SLC35F4: variants seen among roughly 807,000 people sequenced by gnomAD.
SLC35F4 encodes the protein solute carrier family 35 member F4.
Under a neutral mutation model 44.2 loss-of-function variants are expected in SLC35F4, and 24 were observed. The observed-to-expected ratio is 0.54, with a 90% CI of 0.39 to 0.76. The LOEUF is 0.76. SLC35F4 is among the 30% of genes least tolerant of loss of function. SLC35F4 has a pLI of 0.00. For synonymous variants in SLC35F4, 238 were observed against 223.6 expected, an observed-to-expected ratio of 1.06 and a Z score of -0.57; for missense variants, 562 against 586.1, an observed-to-expected ratio of 0.96 and a Z score of 0.42.
chr14:57,728,611 A>C (rs1184568629), intron 1 of SLC35F4, among the ~76,000 whole-genome samples: 1 of 150,478 alleles, frequency 6.6e-6, no homozygotes, highest in African/African-American at 2.4e-5. Context: ...CACTACGCCC[A>C]GTTAATTTTT....
intron 1 of SLC35F4, among the ~76,000 whole-genome samples, chr14:57,632,118 A>G (rs567858317): frequency 7.4e-4 from 112 of 152,062 alleles, no homozygotes; most frequent in Non-Finnish European, 1.4e-3. Flanking sequence ...ATGTTCTGCT[A>G]TGCAGTCATT....
At chr14:57,580,195 G>C (rs530889551) in intron 4 of SLC35F4, among the ~76,000 whole-genome samples, 109 of 152,266 alleles carry the variant, frequency 7.2e-4, no homozygotes, top group Non-Finnish European at 1.4e-3. Context: ...GATACAATCA[G>C]AATTGTCTAA....
chr14:57,704,610 G>A (rs930321490), intron 1 of SLC35F4, among the ~76,000 whole-genome samples: 1 of 152,230 alleles, frequency 6.6e-6, no homozygotes, highest in East Asian at 1.9e-4. Context: ...CCTGTTGCGG[G>A]AGACAAGGAA....
intron 3 of SLC35F4, among the ~76,000 whole-genome samples, chr14:57,584,504 C>G (rs971928231): frequency 2.0e-5 from 3 of 152,150 alleles, no homozygotes; most frequent in African/African-American, 7.2e-5. Context: ...GATCGAGAAT[C>G]TAAGAATTGT....
intron 1 of SLC35F4, among the ~76,000 whole-genome samples, chr14:57,861,676 GTCT>G (rs1809787241): frequency 1.3e-5 from 2 of 152,026 alleles, no homozygotes; most frequent in Admixed American, 6.6e-5. Context: ...AATTCAATCG[GTCT>G]TCTTTTTACT....
intron 1 of SLC35F4, among the ~76,000 whole-genome samples, chr14:57,798,008 C>T (rs1239649038): frequency 6.7e-6 from 1 of 149,798 alleles, no homozygotes; most frequent in African/African-American, 2.5e-5. Context: ...GGTCGTCACT[C>T]ATCAGTCTGA....
At chr14:57,580,748 C>A (rs958965597) in intron 4 of SLC35F4, among the ~76,000 whole-genome samples, 9 of 151,862 alleles carry the variant, frequency 5.9e-5, no homozygotes, top group Admixed American at 2.0e-4. Flanking sequence ...TGTGCCATTA[C>A]CAGTGACTTT....
intron 1 of SLC35F4, among the ~76,000 whole-genome samples, chr14:57,849,804 A>C (rs1886395639): frequency 6.6e-6 from 1 of 152,160 alleles, no homozygotes; most frequent in South Asian, 2.1e-4. Flanking sequence ...TCAAATTCAT[A>C]CTGCTTAAGC....
chr14:57,950,873 C>T (rs952472404), intron 1 of SLC35F4, among the ~76,000 whole-genome samples: 1 of 151,992 alleles, frequency 6.6e-6, no homozygotes, highest in Non-Finnish European at 1.5e-5. Context: ...CGCCATCTTG[C>T]CAAGGCTGGT....
At chr14:57,571,006 G>T (rs1391859776) in intron 5 of SLC35F4, among the ~76,000 whole-genome samples, 1 of 152,156 alleles carries the variant, frequency 6.6e-6, no homozygotes, top group African/African-American at 2.4e-5. Context: ...AATGGGCCAA[G>T]AAATGTCAAT....
rs190194355 is a variant in SLC35F4, at chr14:57,588,988, G to A, written c.587+228C>T. 3.0e-4 allele frequency among the ~76,000 whole-genome samples: 45 copies of A among 152,054 alleles called. 2 individuals carry two copies. The East Asian group carries it at 7.7e-3, about 26-fold the overall frequency. ...ACCTTAAAATGTAAATGTTACCACC[G>A]GTCATAATAAGTTATGCAAAAGCAC... On this transcript the variant is annotated intron_variant, in intron 3 of 7. Transcript: ENST00000556826.
At chr14:57,623,807 A>T (rs754812425) in intron 1 of SLC35F4, among the ~76,000 whole-genome samples, 2 of 152,240 alleles carry the variant, frequency 1.3e-5, no homozygotes, top group African/African-American at 2.4e-5. Flanking sequence ...AGCTGTGTGT[A>T]GTGGGAAATT....
At chr14:57,791,846 C>A (rs999967004) in intron 1 of SLC35F4, among the ~76,000 whole-genome samples, 11 of 151,962 alleles carry the variant, frequency 7.2e-5, no homozygotes, top group African/African-American at 2.7e-4. Flanking sequence ...CCATCATTCT[C>A]AGCAAACTGA....
chr14:57,664,259 G>A (rs540993049), intron 1 of SLC35F4, among the ~76,000 whole-genome samples: 1 of 152,072 alleles, frequency 6.6e-6, no homozygotes, highest in Non-Finnish European at 1.5e-5. Flanking sequence ...AAGAATGACT[G>A]TGCCCAAACT....
At chr14:57,584,140 C>T (rs1049829421) in intron 3 of SLC35F4, among the ~76,000 whole-genome samples, 2 of 152,054 alleles carry the variant, frequency 1.3e-5, no homozygotes, top group Non-Finnish European at 2.9e-5. Context: ...CCTAAGAAAA[C>T]GTCCTTGTTA....
chr14:57,956,449 T>C (rs1890240046), intron 1 of SLC35F4, among the ~76,000 whole-genome samples: 1 of 152,122 alleles, frequency 6.6e-6, no homozygotes, highest in Non-Finnish European at 1.5e-5. Flanking sequence ...TGGGATCTAA[T>C]TAAACTAAAG....
intron 1 of SLC35F4, among the ~76,000 whole-genome samples, chr14:57,952,989 G>A (rs1890168440): frequency 6.6e-6 from 1 of 152,052 alleles, no homozygotes; most frequent in African/African-American, 2.4e-5. Context: ...ATGATCATCA[G>A]ATTCACCAAG....
chr14:57,784,883 A>G (rs2077718455), intron 1 of SLC35F4, among the ~76,000 whole-genome samples: 1 of 152,076 alleles, frequency 6.6e-6, no homozygotes, highest in African/African-American at 2.4e-5. Flanking sequence ...GAGGTTAAAG[A>G]CCTTTACAAT....
At chr14:57,648,708 G>A (rs79850851) in intron 1 of SLC35F4, among the ~76,000 whole-genome samples, 20,248 of 152,104 alleles carry the variant, frequency 0.13, 1,602 homozygotes, top group East Asian at 0.22. Flanking sequence ...TGTACAAAGC[G>A]TATTTGTTTC....
Sources: allele counts gnomAD v4.1 joint callset (sites outside exome capture counted in the v4.1 genomes callset), GRCh38; gene constraint gnomAD v4.1.1; transcripts MANE v1.5; gene names NCBI Gene and HGNC (gene_info 2026-07-23, HGNC 2026-07-21).